Variants in PPFIBP2 observed in about 807,000 individuals in gnomAD.
PPFIBP2 encodes PPFIB scaffold protein 2.
A neutral mutation model predicts 118.3 loss-of-function variants in PPFIBP2; 118 were observed. That is an observed-to-expected ratio of 1.00 (90% CI 0.86 to 1.16). The LOEUF is 1.16. Ranked by LOEUF, PPFIBP2 falls within the 50% of genes most tolerant of loss-of-function variation. The probability of loss-of-function intolerance (pLI) is 0.00; values close to 1 mark genes in which losing one functional copy is unlikely to be tolerated. For missense variants in PPFIBP2, 1,195 were observed against 1,073.1 expected, an observed-to-expected ratio of 1.11 and a Z score of -1.59; for synonymous variants, 414 against 397.4, an observed-to-expected ratio of 1.04 and a Z score of -0.50.
rs113237188 is a variant in PPFIBP2 at position 7,547,272 on chromosome 11, G to A, written c.-36-2168G>A. ...ACTAGGAAGTGAGCTCAGGGTAGGGGGATGGCAGGCGTATTGCAGAGGAGG... is the reference window on the plus strand; with the variant it reads ...ACTAGGAAGTGAGCTCAGGGTAGGGAGATGGCAGGCGTATTGCAGAGGAGG... On this transcript the variant is annotated intron_variant, in intron 1 of 23. Coordinates refer to ENST00000299492, the MANE Select transcript of PPFIBP2 (RefSeq NM_003621.5). 3.7e-3 allele frequency among the ~76,000 whole-genome samples: 560 copies of A among 152,248 alleles called. 6 individuals are homozygous for A. Among genetic ancestry groups the A allele is most frequent in the African/African-American group, 0.013 (536 of 41,534 alleles).
intron 4 of PPFIBP2, 92 bp downstream of exon 4, chr11:7,593,316 G>T: frequency 4.7e-6 from 7 of 1,495,682 alleles, no homozygotes; most frequent in Non-Finnish European, 5.4e-6. Context: ...GATTTTCTCT[G>T]TTGGAATTTT....
At chr11:7,649,310 T>C in intron 20 of PPFIBP2, 75 bp downstream of exon 20, 2 of 1,391,456 alleles carry the variant, frequency 1.4e-6, no homozygotes, top group Non-Finnish European at 2.0e-6. Context: ...GTGGTTATTT[T>C]AAACTTGATT....
At position 7,616,792 on chromosome 11, in the gene PPFIBP2, A is replaced by G. The variant is rs1249407624; in HGVS notation, c.619-4143A>G. On this transcript the variant is annotated intron_variant, in intron 6 of 23. Transcript: ENST00000299492. This position sits in a 1 kb window ranked among gnomAD's most constrained non-coding sequence, Gnocchi z 5.2. Reference sequence around the variant, plus strand: ...TGTGTGTGTGCCCCAGTGTGCACCCATCTCTGCTATTGCTTCTGCTTGGAT... The same window carrying G: ...TGTGTGTGTGCCCCAGTGTGCACCCGTCTCTGCTATTGCTTCTGCTTGGAT... Among the ~76,000 whole-genome samples the G allele has an allele frequency of 6.6e-6, 1 of 151,848 alleles. No homozygotes were observed. Among genetic ancestry groups the G allele is most frequent in the Admixed American group, 6.6e-5 (1 of 15,244 alleles).
intron 8 of PPFIBP2, among the ~76,000 whole-genome samples, chr11:7,627,901 G>C: frequency 6.6e-6 from 1 of 152,080 alleles, no homozygotes; most frequent in East Asian, 1.9e-4. Context: ...CAATTTGTCA[G>C]ACTGTATGAT....
In PPFIBP2 at chr11:7,558,713, G is replaced by A. The variant is rs565712766; in HGVS notation, c.65-6840G>A. 1.2e-3 allele frequency among the ~76,000 whole-genome samples: 181 copies of A among 151,364 alleles called. 1 individual carries two copies. Among genetic ancestry groups the A allele is most frequent in the African/African-American group, 4.1e-3 (171 of 41,324 alleles). Reference sequence around the variant, plus strand: ...GGAGGTTGCAGTGAGCTGAGATCACGCCACTGCACTCCAGCCTGGGTAACA... The same window carrying A: ...GGAGGTTGCAGTGAGCTGAGATCACACCACTGCACTCCAGCCTGGGTAACA... On this transcript the variant is annotated intron_variant, in intron 2 of 23. Transcript: ENST00000299492.
At chr11:7,663,419 G>A in the PPFIBP2 span, among the ~76,000 whole-genome samples, 1,422 of 151,884 alleles carry the variant, frequency 9.4e-3, 21 homozygotes, top group African/African-American at 0.023. Flanking sequence ...GTGAGGTGTC[G>A]GTGTGCCCCT....
At chr11:7,574,882 G>A (rs1423303268) in intron 3 of PPFIBP2, among the ~76,000 whole-genome samples, 1 of 152,150 alleles carries the variant, frequency 6.6e-6, no homozygotes, top group African/African-American at 2.4e-5. Flanking sequence ...TGGTGTTTAA[G>A]GAAAAACAAG....
chr11:7,632,784 G>C, intron 11 of PPFIBP2, 83 bp from the exon 12 acceptor site: 1 of 1,095,990 alleles, frequency 9.1e-7, no homozygotes, highest in Non-Finnish European at 1.4e-6. Flanking sequence ...TCCCTAAAAG[G>C]AATCATGTGA....
chr11:7,619,272 A>G (rs1322082367), intron 6 of PPFIBP2, among the ~76,000 whole-genome samples: 1 of 152,218 alleles, frequency 6.6e-6, no homozygotes, highest in African/African-American at 2.4e-5. Flanking sequence ...TATAGTAGGG[A>G]GGTCAGGATA....
intron 6 of PPFIBP2, among the ~76,000 whole-genome samples, chr11:7,617,921 G>GT (rs1204197672): frequency 6.6e-6 from 1 of 151,992 alleles, no homozygotes; most frequent in Non-Finnish European, 1.5e-5. Flanking sequence ...TCCACACGGG[G>GT]GTAACCTGGT....
intron 8 of PPFIBP2, among the ~76,000 whole-genome samples, chr11:7,627,231 C>T (rs1000578858): frequency 1.3e-4 from 20 of 152,202 alleles, no homozygotes; most frequent in African/African-American, 4.8e-4. Context: ...TCAGGGTTGG[C>T]AGTCTTCATC....
intron 21 of PPFIBP2, 177 bp from the exon 22 acceptor site, chr11:7,650,663 A>G (rs1011057440): frequency 7.9e-6 from 4 of 505,754 alleles, no homozygotes; most frequent in East Asian, 3.1e-5. Flanking sequence ...TGGGAGCTCT[A>G]TTTCCTAGAA....
At chr11:7,633,051 C>T in intron 12 of PPFIBP2, 117 bp downstream of exon 12, 2 of 885,776 alleles carry the variant, frequency 2.3e-6, no homozygotes, top group Non-Finnish European at 3.6e-6. Flanking sequence ...CTAGGTGCAC[C>T]TGCCCCTCTG....
chr11:7,592,216 G>T (rs1859450764), intron 3 of PPFIBP2, among the ~76,000 whole-genome samples: 1 of 152,164 alleles, frequency 6.6e-6, no homozygotes, highest in Admixed American at 6.5e-5. Flanking sequence ...TCTTCCATTT[G>T]CATGGAGGAA....
intron 23 of PPFIBP2, among the ~76,000 whole-genome samples, chr11:7,652,202 A>G (rs1854141069): frequency 6.6e-6 from 1 of 152,244 alleles, no homozygotes; most frequent in African/African-American, 2.4e-5. Context: ...TGCGTGCCGC[A>G]ATGCCGTGGG....
the PPFIBP2 span, among the ~76,000 whole-genome samples, chr11:7,663,870 G>T: frequency 1.3e-5 from 2 of 152,034 alleles, no homozygotes; most frequent in African/African-American, 2.4e-5. Flanking sequence ...TTTTAAGCCC[G>T]TCGGAAAAGC....
At chr11:7,631,370 C>A (rs1850738435) in intron 11 of PPFIBP2, 1 of 220,564 alleles carries the variant, frequency 4.5e-6, no homozygotes, top group Non-Finnish European at 9.2e-6. Context: ...TCTCCAAGGT[C>A]TGCAGTAATG....
chr11:7,597,389 C>T (rs1193206774), intron 4 of PPFIBP2, 171 bp from the exon 5 acceptor site: 2 of 1,537,232 alleles, frequency 1.3e-6, no homozygotes, highest in African/African-American at 2.7e-5. Flanking sequence ...AATCTAACTG[C>T]AGCTGCCTTC....
At chr11:7,609,702 A>G (rs1208567446) in intron 5 of PPFIBP2, among the ~76,000 whole-genome samples, 1 of 152,218 alleles carries the variant, frequency 6.6e-6, no homozygotes, top group Non-Finnish European at 1.5e-5. Flanking sequence ...TTTACATTCC[A>G]GAGTGGCCAG....
Sources: allele counts gnomAD v4.1 joint callset (sites outside exome capture counted in the v4.1 genomes callset), GRCh38; gene constraint gnomAD v4.1.1; non-coding constraint Gnocchi (gnomAD v3.1); transcripts MANE v1.5; gene names NCBI Gene and HGNC (gene_info 2026-07-23, HGNC 2026-07-21).